MEAK7: variants seen among roughly 807,000 people sequenced by gnomAD.
The protein encoded by MEAK7 is MTOR-associated protein MEAK7.
A neutral mutation model predicts 40.5 loss-of-function variants in MEAK7; 68 were observed. That is an observed-to-expected ratio of 1.68 (90% CI 1.38 to 2.06). The LOEUF (loss-of-function observed/expected upper bound fraction) is 2.06, where lower values mean the gene tolerates loss of function less well. Among genes scored for constraint, MEAK7 ranks in the 30% most tolerant of loss-of-function variants. The pLI is 0.00. For synonymous variants in MEAK7, 338 were observed against 231.9 expected, an observed-to-expected ratio of 1.46 and a Z score of -4.16; for missense variants, 918 against 580.5, an observed-to-expected ratio of 1.58 and a Z score of -5.98.
At chr16:84,491,557 G>C (rs1411142506) in intron 3 of MEAK7, among the ~76,000 whole-genome samples, 1 of 80,848 alleles carries the variant, frequency 1.2e-5, no homozygotes, top group Non-Finnish European at 2.7e-5. Context: ...AAAAAAAAAC[G>C]TCTGGGCACG....
chr16:84,482,042 C>A (rs1032884796), intron 6 of MEAK7, among the ~76,000 whole-genome samples: 1 of 152,208 alleles, frequency 6.6e-6, no homozygotes, highest in African/African-American at 2.4e-5. Context: ...TGCCCCAACT[C>A]CTGCCCTCGG....
In MEAK7 at chr16:84,479,983, T is replaced by C. The variant is rs36033299; in HGVS notation, c.1301A>G (p.Gln434Arg). The C allele has an allele frequency of 8.6e-4, 1,388 of 1,609,274 alleles. 6 individuals are homozygous for C. In the African/African-American group the frequency reaches 0.016, roughly 19 times the overall value. The part of the protein sequence containing the change: ...KSILDADPEA[Q>R]ALLEISGHSR... ...ATGCCCACTGATCTCCAGCAGGGCCTGGGCCTCAGGGTCCGCATCCAGGAT... is the reference window on the plus strand; with the variant it reads ...ATGCCCACTGATCTCCAGCAGGGCCCGGGCCTCAGGGTCCGCATCCAGGAT... The change falls in exon 8 of 8, where the codon CAG (glutamine) becomes CGG (arginine). Residue 434 changes from glutamine to arginine, a missense_variant. By Grantham distance (43) the Gln-to-Arg change is conservative (BLOSUM62 1). Coordinates refer to ENST00000343629, the MANE Select transcript of MEAK7 (RefSeq NM_020947.4).
chr16:84,503,119 T>G (rs1267072965), intron 1 of MEAK7, among the ~76,000 whole-genome samples: 1 of 152,190 alleles, frequency 6.6e-6, no homozygotes, highest in Non-Finnish European at 1.5e-5. Context: ...TCTTTCAGTT[T>G]CCCTGGGCCA....
chr16:84,491,092 C>A (rs1464871944), intron 3 of MEAK7, among the ~76,000 whole-genome samples: 1 of 152,154 alleles, frequency 6.6e-6, no homozygotes, highest in Non-Finnish European at 1.5e-5. Flanking sequence ...TATGAAGAAT[C>A]TTTAGCTACA....
chr16:84,496,519 A>G (rs1162848573), intron 2 of MEAK7, among the ~76,000 whole-genome samples: 1 of 152,044 alleles, frequency 6.6e-6, no homozygotes, highest in East Asian at 1.9e-4. Context: ...ACGTGTGTCC[A>G]TGTCATTTTA....
At chr16:84,492,563 G>GTTTCA (rs1163623299) in intron 3 of MEAK7, among the ~76,000 whole-genome samples, 7 of 60,644 alleles carry the variant, frequency 1.2e-4, no homozygotes, top group Non-Finnish European at 3.3e-4. Flanking sequence ...GATATCAAGT[G>GTTTCA]TTTTATTTTA....
chr16:84,477,433 C>G lies in MEAK7; in HGVS notation c.*2480G>C, dbSNP rs1039628523. On this transcript the variant is annotated 3_prime_UTR_variant, in exon 8 of 8. Coordinates refer to ENST00000343629, the MANE Select transcript of MEAK7 (RefSeq NM_020947.4). ...CTCGAACTTCCGACCTCAGGTGATC[C>G]GCCTACCTCGGCCTCCCAAAGTGCT... is the stretch of plus-strand genomic sequence containing the variant. 6 of 150,980 alleles carry G rather than the reference C, an allele frequency of 4.0e-5. No individual in the cohort carries two copies. Among genetic ancestry groups the G allele is most frequent in the Non-Finnish European group, 5.9e-5 (4 of 67,818 alleles). 9.4% of individuals were successfully genotyped at this position (150,980 alleles called of 1,614,324 possible). A position where few individuals can be genotyped will look rare whatever the true frequency, so the allele number is the denominator to read the frequency against.
intron 2 of MEAK7, chr16:84,497,614 T>A: frequency 7.4e-7 from 1 of 1,344,228 alleles, no homozygotes; most frequent in Non-Finnish European, 9.7e-7. Context: ...CCAAATGTCG[T>A]GTGAATCATT....
intron 1 of MEAK7, among the ~76,000 whole-genome samples, chr16:84,501,337 AG>A (rs1374854831): frequency 6.6e-6 from 1 of 151,736 alleles, no homozygotes; most frequent in Non-Finnish European, 1.5e-5. Flanking sequence ...CACGTGGGGG[AG>A]GGCAGCAGAG....
At chr16:84,494,448 C>A (rs1008863534) in intron 3 of MEAK7, among the ~76,000 whole-genome samples, 2 of 152,020 alleles carry the variant, frequency 1.3e-5, no homozygotes, top group African/African-American at 2.4e-5. Flanking sequence ...TTTTTCCCCC[C>A]ATTTTTCTGA....
At chr16:84,498,252 CTGGGTTT>C (rs1252679713) in intron 1 of MEAK7, 141 bp from the exon 2 acceptor site, 1 of 1,066,892 alleles carries the variant, frequency 9.4e-7, no homozygotes. Context: ...CTACATAATA[CTGGGTTT>C]TGGGTTTTGT....
At position 84,504,651 on chromosome 16, in the gene MEAK7, C is replaced by A. The variant is rs1914754543; in HGVS notation, c.-76G>T. 1 of 985,520 alleles carries A rather than the reference C, an allele frequency of 1.0e-6. No individual in the cohort carries two copies. The highest frequency in any genetic ancestry group is 4.7e-5 in the South Asian group (1 of 21,298). The allele number at this position is 985,520 out of a possible 1,614,324, so 61.0% of individuals were successfully genotyped here. A position where few individuals can be genotyped will look rare whatever the true frequency, so the allele number is the denominator to read the frequency against. The stretch of plus-strand genomic sequence containing the variant: ...GGTCCGGTCCAGCAGCCCACGGGCT[C>A]CTCTCGAGAGCCGCCCCTTCCCTGT... On this transcript the variant is annotated 5_prime_UTR_variant, in exon 1 of 8. Coordinates refer to ENST00000343629, the MANE Select transcript of MEAK7 (RefSeq NM_020947.4).
In MEAK7 at chr16:84,482,691, C is replaced by A; in HGVS notation, c.978G>T (p.Leu326=). 1 of 1,614,194 alleles carries A rather than the reference C, an allele frequency of 6.2e-7. No individual in the cohort carries two copies. Residue 326 remains leucine, a synonymous_variant, in exon 6 of 8, where the codon CTG becomes CTT. Transcript: ENST00000343629. ...PQFQGDNRCF[L]FSICPSMAVY... ...CAGCCATGCTGGGGCAGATGGAGAACAGGAAGCATCTGTTGTCCCCTGAAA... is the reference window on the plus strand; with the variant it reads ...CAGCCATGCTGGGGCAGATGGAGAAAAGGAAGCATCTGTTGTCCCCTGAAA...
Position 84,480,554 on chromosome 16 carries a change from ACCGC to A in MEAK7, c.1228_1231del (p.Ala410LeufsTer63), listed in dbSNP as rs1912439361. 5 of 1,612,550 alleles carry A rather than the reference ACCGC, an allele frequency of 3.1e-6. No individual in the cohort carries two copies. The South Asian group carries it at 4.4e-5, about 14-fold the overall frequency. ...CAACTGCTCCTCTGAGGGGTCTCCA[ACCGC>A]CCACACCTCCATCTTATCAAACTGG... On this transcript the variant is annotated frameshift_variant, in exon 7 of 8. Coordinates refer to ENST00000343629, the MANE Select transcript of MEAK7 (RefSeq NM_020947.4). LOFTEE classifies it low-confidence loss of function (END_TRUNC).
chr16:84,487,620 G>C (rs1485108364), intron 4 of MEAK7: 3 of 154,144 alleles, frequency 1.9e-5, no homozygotes, highest in African/African-American at 4.8e-5. Context: ...GCACTTCCTG[G>C]GACTCCTGCA....
intron 2 of MEAK7, 142 bp from the exon 3 acceptor site, chr16:84,496,055 T>A: frequency 1.2e-6 from 1 of 818,764 alleles, no homozygotes; most frequent in Non-Finnish European, 1.9e-6. Context: ...AAAAAGTTTC[T>A]TGTAAAGCCC....
At chr16:84,483,882 G>A (rs1912799297) in intron 5 of MEAK7, among the ~76,000 whole-genome samples, 1 of 152,156 alleles carries the variant, frequency 6.6e-6, no homozygotes, top group South Asian at 2.1e-4. Flanking sequence ...GGAGGAAGGA[G>A]GATAGTTAGG....
chr16:84,497,193 G>A (rs1395458740), intron 2 of MEAK7: 14 of 332,084 alleles, frequency 4.2e-5, no homozygotes, highest in South Asian at 3.1e-4. Flanking sequence ...AGAGGGAGGA[G>A]GCTGCTAGGA....
intron 3 of MEAK7, among the ~76,000 whole-genome samples, chr16:84,490,441 G>A (rs1307114964): frequency 1.6e-5 from 1 of 62,644 alleles, no homozygotes; most frequent in Non-Finnish European, 3.3e-5. Flanking sequence ...TTTCTGCCCC[G>A]CCTTTTTTTT....
Sources: allele counts gnomAD v4.1 joint callset (sites outside exome capture counted in the v4.1 genomes callset), GRCh38; gene constraint gnomAD v4.1.1; transcripts MANE v1.5; gene names NCBI Gene and HGNC (gene_info 2026-07-23, HGNC 2026-07-21).